The following CFAP70 variants were observed in gnomAD, a reference collection of about 807,000 sequenced individuals.
The protein encoded by CFAP70 is cilia- and flagella-associated protein 70.
A neutral mutation model predicts 137.6 loss-of-function variants in CFAP70; 81 were observed. The ratio of observed to expected loss-of-function variants is 0.59; its 90% CI spans 0.49 to 0.71. The LOEUF is 0.71. Ranked by LOEUF, CFAP70 falls within the 30% of genes least tolerant of loss-of-function variation. The pLI, the probability that CFAP70 is intolerant of heterozygous loss-of-function variation, is 0.00. For missense variants in CFAP70, 976 were observed against 1,226.7 expected (o/e 0.80, Z 3.05); for synonymous variants, 382 against 423.6 (o/e 0.90, Z 1.20).
intron 22 of CFAP70, 66 bp from the exon 24 acceptor site, chr10:73,274,660 T>C (rs2046560832): frequency 8.9e-6 from 12 of 1,354,396 alleles, no homozygotes; most frequent in Non-Finnish European, 1.2e-5. Flanking sequence ...TGATGATCTT[T>C]GTTTAACATT....
At chr10:73,354,528 T>C (rs2046891420) in intron 2 of CFAP70, among the ~76,000 whole-genome samples, 1 of 152,180 alleles carries the variant, frequency 6.6e-6, no homozygotes, top group African/African-American at 2.4e-5. Flanking sequence ...TTTCATCCTG[T>C]TAAATTTAGT....
intron 6 of CFAP70, among the ~76,000 whole-genome samples, chr10:73,336,501 A>T (rs2052674926): frequency 6.6e-6 from 1 of 152,118 alleles, no homozygotes; most frequent in Non-Finnish European, 1.5e-5. Context: ...CTCATTTTAC[A>T]AATTATTTTA....
Position 73,278,167 on chromosome 10 carries a change from A to G in CFAP70, c.2398+12T>C. On this transcript the variant is annotated intron_variant, in intron 20 of 26. Transcript: ENST00000310715. ...GCCCCTCTTCCAAGTGGAAATCTTT[A>G]TTTCTAGTTACCTTTCTTTGTTGGT... The G allele has an allele frequency of 6.2e-7, 1 of 1,611,760 alleles. No individual in the cohort carries two copies. The highest frequency in any genetic ancestry group is 8.5e-7 in the Non-Finnish European group (1 of 1,178,910).
chr10:73,315,227 A>C (rs2050242233), intron 9 of CFAP70, among the ~76,000 whole-genome samples: 3 of 151,894 alleles, frequency 2.0e-5, no homozygotes. Context: ...AAAAAAAAAA[A>C]AAAAAAAAAC....
At chr10:73,257,058 T>C (rs986291844) in intron 25 of CFAP70, among the ~76,000 whole-genome samples, 9 of 152,128 alleles carry the variant, frequency 5.9e-5, no homozygotes, top group Non-Finnish European at 1.5e-5. Context: ...CACTTACCAC[T>C]CCGTACTATG....
chr10:73,356,772 T>C (rs970014394), intron 1 of CFAP70, among the ~76,000 whole-genome samples: 23 of 152,194 alleles, frequency 1.5e-4, no homozygotes, highest in Non-Finnish European at 1.5e-5. Context: ...TCAGTCTTCT[T>C]TCCTTTTCAA....
chr10:73,280,023 C>G (rs1232524244), intron 19 of CFAP70, among the ~76,000 whole-genome samples: 2 of 152,128 alleles, frequency 1.3e-5, no homozygotes, highest in Non-Finnish European at 2.9e-5. Context: ...ACTCCACATC[C>G]TTGTTATAAA....
In CFAP70 at chr10:73,269,601, A is replaced by C; in HGVS notation, c.3027+13T>G. 1 of 1,601,400 alleles carries C rather than the reference A, an allele frequency of 6.2e-7. No individual in the cohort carries two copies. The highest frequency in any genetic ancestry group is 8.6e-7 in the Non-Finnish European group (1 of 1,168,978). On this transcript the variant is annotated intron_variant, in intron 25 of 26. Coordinates refer to ENST00000310715, the Ensembl canonical transcript of CFAP70. ...CCCTAAAAGGGCATTGTGTAAGGATAATAAACACTCACTTTCAGGCAGACC... is the reference window on the plus strand; with the variant it reads ...CCCTAAAAGGGCATTGTGTAAGGATCATAAACACTCACTTTCAGGCAGACC...
chr10:73,296,664 A>C (rs1169126091), intron 15 of CFAP70: 1 of 155,482 alleles, frequency 6.4e-6, no homozygotes, highest in Non-Finnish European at 1.4e-5. Flanking sequence ...CTGAAAACTC[A>C]AAGTTTTTCT....
intron 12 of CFAP70, among the ~76,000 whole-genome samples, chr10:73,302,311 G>T (rs908855030): frequency 6.6e-6 from 1 of 152,164 alleles, no homozygotes; most frequent in Admixed American, 6.5e-5. Flanking sequence ...GTAAAGCCAG[G>T]AGAGTATAGT....
chr10:73,334,713 G>A (rs1295486827), intron 7 of CFAP70, among the ~76,000 whole-genome samples: 4 of 151,554 alleles, frequency 2.6e-5, no homozygotes, highest in African/African-American at 9.7e-5. Flanking sequence ...TCGAGTAGCT[G>A]GGACTACAGG....
At chr10:73,320,552 C>T (rs1050410675) in intron 9 of CFAP70, among the ~76,000 whole-genome samples, 1 of 152,110 alleles carries the variant, frequency 6.6e-6, no homozygotes, top group Non-Finnish European at 1.5e-5. Flanking sequence ...TGGTCTTGAA[C>T]TCCTGGGCTC....
intron 2 of CFAP70, 42 bp downstream of exon 2, chr10:73,354,692 C>A: frequency 6.3e-7 from 1 of 1,577,942 alleles, no homozygotes; most frequent in Non-Finnish European, 8.7e-7. Flanking sequence ...TGCAGGTACT[C>A]CCAAACTAAG....
In CFAP70 at chr10:73,318,737, CT is replaced by C. The variant is rs1486199178; in HGVS notation, c.912+4225del. 5.9e-5 allele frequency among the ~76,000 whole-genome samples: 9 copies of C among 152,280 alleles called. 1 individual carries two copies. The highest frequency in any genetic ancestry group is 5.9e-4 in the Admixed American group (9 of 15,298). On this transcript the variant is annotated intron_variant, in intron 9 of 26. Transcript: ENST00000310715. ...TGGGTTATCAAACCTCATAACTTTT[CT>C]ATTATGATACACTGTTTCCCTCAGA...
chr10:73,359,538 C>G (rs1487518717), upstream of CFAP70, among the ~76,000 whole-genome samples: 1 of 152,066 alleles, frequency 6.6e-6, no homozygotes, highest in Non-Finnish European at 1.5e-5. Context: ...CGGATTACAA[C>G]CCATTGAATA....
At chr10:73,260,939 T>C (rs185665291) in intron 25 of CFAP70, among the ~76,000 whole-genome samples, 11 of 152,220 alleles carry the variant, frequency 7.2e-5, no homozygotes, top group Non-Finnish European at 1.6e-4. Context: ...TGTGTGGACA[T>C]ATGTCTTCAT....
chr10:73,297,164 C>A (rs764750300), exon 15 of CFAP70: 5 of 1,612,306 alleles, frequency 3.1e-6, no homozygotes. Context: ...ACAATCTTTA[C>A]CACAGCATGC....
intron 19 of CFAP70, among the ~76,000 whole-genome samples, chr10:73,284,884 A>G (rs1439583781): frequency 6.9e-6 from 1 of 145,236 alleles, no homozygotes; most frequent in Non-Finnish European, 1.5e-5. Context: ...AGCAGAGTTG[A>G]TTATTTATGA....
At chr10:73,272,832 T>A (rs374514015) in intron 24 of CFAP70, 96 bp downstream of exon 25, 1 of 1,087,490 alleles carries the variant, frequency 9.2e-7, no homozygotes. Context: ...CTGATTGCTA[T>A]TCCAATGTCA....
Sources: allele counts gnomAD v4.1 joint callset (sites outside exome capture counted in the v4.1 genomes callset), GRCh38; gene constraint gnomAD v4.1.1; transcripts MANE v1.5; gene names NCBI Gene and HGNC (gene_info 2026-07-23, HGNC 2026-07-21).